NUP205: variants seen among roughly 807,000 people sequenced by gnomAD.
The protein encoded by NUP205 is nucleoporin 205, also known as nuclear pore complex protein Nup205.
NUP205 carries 76 observed loss-of-function variants against 253.8 expected under a neutral mutation model. That is an observed-to-expected ratio of 0.30 (90% CI 0.25 to 0.36). NUP205 has a LOEUF of 0.36. Ranked by LOEUF, NUP205 falls within the 10% of genes least tolerant of loss-of-function variation. NUP205 has a pLI of 1.00. For synonymous variants in NUP205, 832 were observed against 850.1 expected (o/e 0.98, Z 0.37); for missense variants, 2,162 against 2,425.5 (o/e 0.89, Z 2.28).
intron 35 of NUP205, among the ~76,000 whole-genome samples, chr7:135,635,122 C>T (rs928491194): frequency 4.6e-5 from 7 of 152,054 alleles, no homozygotes; most frequent in African/African-American, 1.7e-4. Context: ...GTAACGGGTC[C>T]AAACTAAGAA....
rs1190681660 is a variant in NUP205, at chr7:135,638,109, G to C, written c.5265+50G>C. ...GGTTTTTATGTTTTTGGAAAATGTTGATAAAAATAACAGATGTGGACCTGG... is the reference window on the plus strand; with the variant it reads ...GGTTTTTATGTTTTTGGAAAATGTTCATAAAAATAACAGATGTGGACCTGG... On this transcript the variant is annotated intron_variant, in intron 37 of 42. Coordinates refer to ENST00000285968, the MANE Select transcript of NUP205 (RefSeq NM_015135.3). 6 of 1,584,806 alleles carry C rather than the reference G, an allele frequency of 3.8e-6. No homozygotes were observed. The Admixed American group carries it at 1.1e-4, about 28-fold the overall frequency.
chr7:135,565,516 G>T (rs368430503), intron 1 of NUP205, among the ~76,000 whole-genome samples: 1 of 148,546 alleles, frequency 6.7e-6, no homozygotes, highest in African/African-American at 2.5e-5. Flanking sequence ...CACTGCAACC[G>T]CCACTCCCAG....
rs1041719921 is a variant in NUP205 at position 135,617,549 on chromosome 7, G to A, written c.3691-53G>A. On this transcript the variant is annotated intron_variant, in intron 26 of 42. Coordinates refer to ENST00000285968, the MANE Select transcript of NUP205 (RefSeq NM_015135.3). ...TTTATGGTAATTGCTAGGTGTTACT[G>A]TTCTACCAGTGTCTGAAATGTCTTA... The A allele has an allele frequency of 3.7e-6, 5 of 1,356,054 alleles. No homozygotes were observed. The Admixed American group carries it at 5.1e-5, about 14-fold the overall frequency. The allele number at this position is 1,356,054 out of a possible 1,614,324, so 84.0% of individuals were successfully genotyped here. A position where few individuals can be genotyped will look rare whatever the true frequency, so the allele number is the denominator to read the frequency against.
chr7:135,569,320 G>A (rs1434044930), intron 1 of NUP205, among the ~76,000 whole-genome samples: 2 of 152,160 alleles, frequency 1.3e-5, no homozygotes, highest in Non-Finnish European at 2.9e-5. Context: ...TGATCCGCCC[G>A]CCTTGGCCTC....
chr7:135,639,460 C>A (rs1242014264), intron 38 of NUP205, among the ~76,000 whole-genome samples: 3 of 152,078 alleles, frequency 2.0e-5, no homozygotes, highest in Non-Finnish European at 2.9e-5. Flanking sequence ...GAGGCCGAGG[C>A]AGGCAGATTA....
At chr7:135,601,306 T>C (rs1793960253) in intron 16 of NUP205, 64 bp from the exon 17 acceptor site, 2 of 1,416,312 alleles carry the variant, frequency 1.4e-6, no homozygotes, top group Admixed American at 2.1e-5. Context: ...ACATTTCATA[T>C]AAATCAAGGG....
At position 135,602,284 on chromosome 7, in the gene NUP205, T is replaced by C. The variant is rs192416914; in HGVS notation, c.2513-521T>C. On this transcript the variant is annotated intron_variant, in intron 17 of 42. Transcript: ENST00000285968. ...TAAGATTATAGGTGATCCTTGTTTC[T>C]ATTTTCTGCGTTATTTTCCACAGTG... 2.6e-5 allele frequency among the ~76,000 whole-genome samples: 4 copies of C among 152,362 alleles called. No individual in the cohort carries two copies. The East Asian group carries it at 7.7e-4, about 29-fold the overall frequency.
intron 34 of NUP205, among the ~76,000 whole-genome samples, chr7:135,630,015 T>A (rs1794677733): frequency 6.6e-6 from 1 of 152,164 alleles, no homozygotes; most frequent in Admixed American, 6.5e-5. Context: ...AAAATAGGGG[T>A]CAGATAATAG....
chr7:135,645,767 G>C (rs1002946477), intron 41 of NUP205, 171 bp downstream of exon 41: 1 of 642,694 alleles, frequency 1.6e-6, no homozygotes, highest in African/African-American at 1.8e-5. Flanking sequence ...TTCTGTTCAC[G>C]GGACATTGTG....
In NUP205 at chr7:135,643,298, T is replaced by C. The variant is rs910044145; in HGVS notation, c.5499T>C (p.His1833=). 1.1e-5 allele frequency: 18 copies of C among 1,613,954 alleles called. No homozygotes were observed. The highest frequency in any genetic ancestry group is 1.5e-5 in the Non-Finnish European group (18 of 1,179,956). ...ANDFFSYYDS[H]RQSVSKLQNV... is the part of the protein sequence containing the mutation. ...ATTTCTTCAGCTATTATGACAGTCA[T>C]CGACAGAGTGTCAGCAAGCTACAAA... The change falls in exon 39 of 43, where the codon CAT becomes CAC. Residue 1833 remains histidine, a synonymous_variant. Coordinates refer to ENST00000285968, the MANE Select transcript of NUP205 (RefSeq NM_015135.3).
At chr7:135,579,628 A>G (rs1806250505) in intron 7 of NUP205, among the ~76,000 whole-genome samples, 1 of 152,162 alleles carries the variant, frequency 6.6e-6, no homozygotes, top group Admixed American at 6.5e-5. Flanking sequence ...TGTATTAAAA[A>G]GGAGATATTT....
At chr7:135,617,513 C>T (rs1371719569) in intron 26 of NUP205, 89 bp from the exon 27 acceptor site, 7 of 989,590 alleles carry the variant, frequency 7.1e-6, no homozygotes, top group Non-Finnish European at 9.4e-6. Context: ...ACACCTTTCC[C>T]TTTAGGGCAG....
chr7:135,599,749 A>C lies in NUP205; in HGVS notation c.2275-1121A>C, dbSNP rs140493249. The stretch of plus-strand genomic sequence containing the variant: ...CTGCCATTGATTTCAGTTCCACCCC[A>C]ACTTACTCTAAAAAACTTTCCCTCA... On this transcript the variant is annotated intron_variant, in intron 15 of 42. Transcript: ENST00000285968. Among the ~76,000 whole-genome samples the C allele has an allele frequency of 2.6e-5, 4 of 152,230 alleles. No homozygotes were observed. In the East Asian group the frequency reaches 5.8e-4, roughly 22 times the overall value.
Position 135,577,975 on chromosome 7 carries a change from A to G in NUP205, c.828A>G (p.Leu276=), listed in dbSNP as rs568380716. 16 of 1,613,974 alleles carry G rather than the reference A, an allele frequency of 9.9e-6. No homozygotes were observed. Among genetic ancestry groups the G allele is most frequent in the African/African-American group, 1.3e-5 (1 of 74,924 alleles). Residue 276 remains leucine, a synonymous_variant, in exon 6 of 43, where the codon CTA becomes CTG. Coordinates refer to ENST00000285968, the MANE Select transcript of NUP205 (RefSeq NM_015135.3). ...AVNLALLMAL[L]YCFDISFIEQ... is the part of the protein sequence containing the mutation. Reference sequence around the variant, plus strand: ...ATCTGGCTCTTCTTATGGCGCTTCTATACTGTTTTGATATCAGTTTTATAG... The same window carrying G: ...ATCTGGCTCTTCTTATGGCGCTTCTGTACTGTTTTGATATCAGTTTTATAG...
Position 135,573,044 on chromosome 7 carries a change from A to G in NUP205, c.172-610A>G, listed in dbSNP as rs530117742. Among the ~76,000 whole-genome samples, 3 of 148,006 alleles carry G rather than the reference A, an allele frequency of 2.0e-5. No individual in the cohort carries two copies. In the South Asian group the frequency reaches 6.3e-4, roughly 31 times the overall value. On this transcript the variant is annotated intron_variant, in intron 2 of 42. Transcript: ENST00000285968. ...GCTGATTTCCAGTCTTGGCTGTACC[A>G]CTAGAGAGTTTTATGACCACAGACA...
intron 22 of NUP205, among the ~76,000 whole-genome samples, chr7:135,612,026 G>A (rs866940455): frequency 4.6e-5 from 7 of 152,060 alleles, no homozygotes; most frequent in South Asian, 4.1e-4. Context: ...AGGCTGAGGC[G>A]GGAGAATGGC....
chr7:135,602,494 A>G (rs188536755), intron 17 of NUP205, among the ~76,000 whole-genome samples: 3 of 152,344 alleles, frequency 2.0e-5, no homozygotes. Context: ...CAGCCACCCC[A>G]TTCTGAGAAC....
Position 135,648,511 on chromosome 7 carries a change from T to C in NUP205, c.5994T>C (p.Ala1998=). Residue 1998 remains alanine (A), a synonymous_variant, in exon 43 of 43, where the codon GCT becomes GCC. Coordinates refer to ENST00000285968, the MANE Select transcript of NUP205 (RefSeq NM_015135.3). ...GATCTCGATATAGTTTCATACAGGCTCTTGTCAGACGTATCCGTGGCCTCT... is the reference window on the plus strand; with the variant it reads ...GATCTCGATATAGTTTCATACAGGCCCTTGTCAGACGTATCCGTGGCCTCT... ...KVRSRYSFIQ[A]LVRRIRGLLR... 6.2e-7 allele frequency: 1 copy of C among 1,603,332 alleles called. No individual in the cohort carries two copies.
intron 13 of NUP205, among the ~76,000 whole-genome samples, chr7:135,596,091 C>A (rs569229028): frequency 6.6e-6 from 1 of 152,082 alleles, no homozygotes; most frequent in Non-Finnish European, 1.5e-5. Context: ...TGTGCCACCA[C>A]GCCCAGCTAA....
Sources: gnomAD v4.1 joint callset for allele counts (sites outside exome capture counted in the v4.1 genomes callset) on GRCh38, gnomAD v4.1.1 for gene constraint, MANE v1.5 for transcripts, NCBI Gene and HGNC (gene_info 2026-07-23, HGNC 2026-07-21) for gene names.